Variants in SAMD5 observed in about 807,000 individuals in gnomAD.
SAMD5 encodes the protein sterile alpha motif domain-containing protein 5.
SAMD5 carries 13 observed loss-of-function variants against 11.3 expected under a neutral mutation model. That is an observed-to-expected ratio of 1.15 (90% CI 0.75 to 1.83). The LOEUF (loss-of-function observed/expected upper bound fraction) is 1.83, where lower values mean the gene tolerates loss of function less well. SAMD5 is among the 40% of genes most tolerant of loss of function. The probability of loss-of-function intolerance (pLI) is 0.00; values close to 1 mark genes in which losing one functional copy is unlikely to be tolerated. For synonymous variants in SAMD5, 129 were observed against 111.3 expected (o/e 1.16, Z -1.00); for missense variants, 255 against 239.1 (o/e 1.07, Z -0.44).
the SAMD5 span, among the ~76,000 whole-genome samples, chr6:147,744,668 C>T: frequency 7.2e-5 from 11 of 152,022 alleles, no homozygotes; most frequent in East Asian, 1.9e-4. Flanking sequence ...GAGGCCAAGG[C>T]GGGCGGATCA....
At chr6:147,739,861 C>A (rs1031287652), downstream of SAMD5, among the ~76,000 whole-genome samples, 1 of 151,554 alleles carries the variant, frequency 6.6e-6, no homozygotes, top group Non-Finnish European at 1.5e-5. Flanking sequence ...GCTCTGTCAC[C>A]CAGGCTGGAG....
At chr6:147,714,145 C>T (rs2128458705) in intron 1 of SAMD5, among the ~76,000 whole-genome samples, 1 of 152,112 alleles carries the variant, frequency 6.6e-6, no homozygotes, top group Non-Finnish European at 1.5e-5. Context: ...CTAAATAGGC[C>T]CCCTCCCACC....
intron 1 of SAMD5, among the ~76,000 whole-genome samples, chr6:147,639,798 G>T (rs1293346577): frequency 1.3e-5 from 2 of 152,188 alleles, no homozygotes; most frequent in East Asian, 3.9e-4. Flanking sequence ...ATTCTGTTTT[G>T]GTTGGCAGTC....
intron 1 of SAMD5, among the ~76,000 whole-genome samples, chr6:147,613,780 G>A (rs541847050): frequency 5.3e-5 from 8 of 151,956 alleles, no homozygotes; most frequent in Admixed American, 5.2e-4. Context: ...GAAAAGAGGT[G>A]GCAGGAGAGG....
intron 1 of SAMD5, among the ~76,000 whole-genome samples, chr6:147,511,963 T>G (rs544532641): frequency 6.6e-6 from 1 of 152,272 alleles, no homozygotes; most frequent in South Asian, 2.1e-4. Context: ...GTATTTTTTG[T>G]TTGTTTGTTT....
intron 1 of SAMD5, among the ~76,000 whole-genome samples, chr6:147,550,804 T>C (rs1385513783): frequency 6.6e-6 from 1 of 152,106 alleles, no homozygotes; most frequent in African/African-American, 2.4e-5. Flanking sequence ...ATGGGAACAA[T>C]GTACATTATT....
intron 1 of SAMD5, among the ~76,000 whole-genome samples, chr6:147,510,981 G>T (rs937382037): frequency 1.3e-5 from 2 of 152,212 alleles, no homozygotes; most frequent in Non-Finnish European, 2.9e-5. Flanking sequence ...GCAGGTCAAA[G>T]GAGATCAAAG....
chr6:147,763,308 C>T, the SAMD5 span, among the ~76,000 whole-genome samples: 5 of 151,750 alleles, frequency 3.3e-5, no homozygotes, highest in African/African-American at 4.8e-5. Context: ...TACAGGCATG[C>T]GCCACCATGC....
chr6:147,818,764 G>A, the SAMD5 span, among the ~76,000 whole-genome samples: 2 of 152,162 alleles, frequency 1.3e-5, no homozygotes, highest in Non-Finnish European at 1.5e-5. Context: ...GTGAAGTTAG[G>A]AAATAGTGAT....
At chr6:147,684,810 T>G (rs1052642143) in intron 1 of SAMD5, among the ~76,000 whole-genome samples, 1 of 152,196 alleles carries the variant, frequency 6.6e-6, no homozygotes, top group Non-Finnish European at 1.5e-5. Context: ...TAATAATCAC[T>G]GGAGAAAATT....
chr6:147,673,354 C>G (rs1051955145), intron 1 of SAMD5, among the ~76,000 whole-genome samples: 6 of 152,064 alleles, frequency 3.9e-5, no homozygotes, highest in African/African-American at 1.4e-4. Context: ...GCTGGGACTA[C>G]AGGTGCCTGC....
At chr6:147,715,243 C>T (rs570590779) in intron 1 of SAMD5, among the ~76,000 whole-genome samples, 1 of 152,334 alleles carries the variant, frequency 6.6e-6, no homozygotes, top group Admixed American at 6.5e-5. Flanking sequence ...ATCTCATGCC[C>T]GCCAAGAGTG....
the SAMD5 span, among the ~76,000 whole-genome samples, chr6:147,843,995 A>G: frequency 6.6e-6 from 1 of 152,192 alleles, no homozygotes; most frequent in Non-Finnish European, 1.5e-5. Flanking sequence ...GACAAATGAG[A>G]TTGCAGCAAA....
At chr6:147,749,187 T>G in the SAMD5 span, among the ~76,000 whole-genome samples, 7 of 145,104 alleles carry the variant, frequency 4.8e-5, no homozygotes, top group East Asian at 1.2e-3. Flanking sequence ...TTTTTTTTTT[T>G]GAGACAGAGT....
At chr6:147,713,261 A>C (rs1791423897) in intron 1 of SAMD5, among the ~76,000 whole-genome samples, 1 of 152,204 alleles carries the variant, frequency 6.6e-6, no homozygotes. Context: ...CAAAGGATGC[A>C]AAGGTTCTCT....
At chr6:147,840,607 T>C in the SAMD5 span, among the ~76,000 whole-genome samples, 1 of 152,192 alleles carries the variant, frequency 6.6e-6, no homozygotes. Flanking sequence ...CCTGTAGTAG[T>C]GGAAGAGCAA....
chr6:147,699,989 C>G (rs1037806906), intron 1 of SAMD5, among the ~76,000 whole-genome samples: 1 of 152,120 alleles, frequency 6.6e-6, no homozygotes, highest in Non-Finnish European at 1.5e-5. Flanking sequence ...AATAACCAGC[C>G]CTTCCAAGTT....
At chr6:147,789,986 G>A in the SAMD5 span, among the ~76,000 whole-genome samples, 2 of 152,198 alleles carry the variant, frequency 1.3e-5, no homozygotes, top group East Asian at 1.9e-4. Flanking sequence ...TTCATTGCTG[G>A]TGGGAGTGCA....
chr6:147,783,291 C>T, the SAMD5 span, among the ~76,000 whole-genome samples: 26 of 151,470 alleles, frequency 1.7e-4, no homozygotes, highest in Admixed American at 5.9e-4. Context: ...TAATAATATA[C>T]GAGAACATCA....
Sources: gnomAD v4.1 joint callset for allele counts (sites outside exome capture counted in the v4.1 genomes callset) on GRCh38, gnomAD v4.1.1 for gene constraint, MANE v1.5 for transcripts, NCBI Gene and HGNC (gene_info 2026-07-23, HGNC 2026-07-21) for gene names.